PABPC1L: variants seen among roughly 807,000 people sequenced by gnomAD.
The protein encoded by PABPC1L is polyadenylate-binding protein 1-like.
In PABPC1L, 31 loss-of-function variants were observed where a neutral mutation model predicts 66.6. The ratio of observed to expected loss-of-function variants is 0.47; its 90% confidence interval spans 0.35 to 0.63. The LOEUF (loss-of-function observed/expected upper bound fraction) is 0.63. PABPC1L is among the 20% of genes least tolerant of loss of function. The pLI is 0.00. For missense variants in PABPC1L, 722 were observed against 848.8 expected (o/e 0.85, Z 1.86); for synonymous variants, 348 against 335.1 (o/e 1.04, Z -0.42).
chr20:44,930,580 G>A lies in PABPC1L; in HGVS notation c.1093G>A (p.Val365Met), dbSNP rs1167732511. The A allele has an allele frequency of 2.5e-6, 4 of 1,614,250 alleles. No homozygotes were observed. Among genetic ancestry groups the A allele is most frequent in the Non-Finnish European group, 3.4e-6 (4 of 1,180,042 alleles). The stretch of plus-strand genomic sequence containing the variant: ...CATCGTGGGCACCAAGCCACTCTAC[G>A]TGGCACTGGCCCAGCGCAAAGAGGA... ...GRIVGTKPLY[V>M]ALAQRKEERK... Residue 365 changes from valine to methionine, a missense_variant, in exon 8 of 15, where the codon GTG becomes ATG. Around this residue, in one of 3 missense-constraint regions of PABPC1L, gnomAD observed 137 missense variants for 216.8 expected, o/e 0.63. Coordinates refer to ENST00000217073, the MANE Select transcript of PABPC1L (RefSeq NM_001372179.1).
intron 10 of PABPC1L, among the ~76,000 whole-genome samples, chr20:44,935,070 GA>G (rs576914712): frequency 1.4e-3 from 187 of 129,926 alleles, no homozygotes; most frequent in Middle Eastern, 4.1e-3. Flanking sequence ...TCTGTCTCAG[GA>G]AAAAAAAAAA....
At chr20:44,913,467 A>G (rs1056300941) in intron 2 of PABPC1L, among the ~76,000 whole-genome samples, 3 of 151,924 alleles carry the variant, frequency 2.0e-5, no homozygotes, top group Admixed American at 6.6e-5. Context: ...GCTGGAGTAC[A>G]GTGGCATGAT....
Sources: allele counts gnomAD v4.1 joint callset (sites outside exome capture counted in the v4.1 genomes callset), GRCh38; gene constraint gnomAD v4.1.1; regional missense constraint gnomAD v4.1.1; transcripts MANE v1.5; gene names NCBI Gene and HGNC (gene_info 2026-07-23, HGNC 2026-07-21).